Variants in NKAIN3 observed in about 807,000 individuals in gnomAD.
NKAIN3 encodes sodium/potassium transporting ATPase interacting 3, also known as sodium/potassium-transporting ATPase subunit beta-1-interacting protein 3.
NKAIN3 carries 25 observed loss-of-function variants against 30.2 expected under a neutral mutation model. The observed-to-expected ratio is 0.83, with a 90% CI of 0.60 to 1.16. NKAIN3 has a LOEUF of 1.16. NKAIN3 is among the 50% of genes most tolerant of loss of function. NKAIN3 has a pLI of 0.00. For synonymous variants in NKAIN3, 91 were observed against 89.6 expected (o/e 1.02, Z -0.09); for missense variants, 225 against 254.1 (o/e 0.89, Z 0.78).
chr8:62,726,729 A>G (rs1815270687), intron 3 of NKAIN3, among the ~76,000 whole-genome samples: 1 of 152,054 alleles, frequency 6.6e-6, no homozygotes, highest in Non-Finnish European at 1.5e-5. Context: ...ATAAACAGAC[A>G]GCATCAGGCC....
chr8:62,928,528 G>C (rs1426402669), intron 5 of NKAIN3, among the ~76,000 whole-genome samples: 2 of 152,132 alleles, frequency 1.3e-5, no homozygotes, highest in African/African-American at 4.8e-5. Flanking sequence ...AGACTGGCTG[G>C]CTCTTCACTA....
chr8:62,803,461 C>A (rs1324246896), intron 4 of NKAIN3, among the ~76,000 whole-genome samples: 1 of 152,126 alleles, frequency 6.6e-6, no homozygotes, highest in East Asian at 1.9e-4. Context: ...TTCAGAAACT[C>A]ACTCAAAACC....
At chr8:62,955,534 T>A (rs559349402) in intron 6 of NKAIN3, among the ~76,000 whole-genome samples, 19 of 151,164 alleles carry the variant, frequency 1.3e-4, no homozygotes, top group Admixed American at 3.9e-4. Flanking sequence ...ATCTCCACTG[T>A]GAAAAAAAAA....
chr8:62,727,594 G>T (rs965543492), intron 3 of NKAIN3, among the ~76,000 whole-genome samples: 1 of 152,088 alleles, frequency 6.6e-6, no homozygotes, highest in African/African-American at 2.4e-5. Flanking sequence ...AATACCATTT[G>T]CAGTAGCACC....
intron 4 of NKAIN3, among the ~76,000 whole-genome samples, chr8:62,752,617 C>T (rs1421686982): frequency 6.6e-6 from 1 of 152,156 alleles, no homozygotes; most frequent in African/African-American, 2.4e-5. Context: ...AGAATTATTA[C>T]AGTGGAACAA....
rs1176381685 is a variant in NKAIN3 at position 62,965,950 on chromosome 8, GTCC to G, written c.*548_*550del. On this transcript the variant is annotated 3_prime_UTR_variant, in exon 7 of 7. Transcript: ENST00000623646. ...TCAACAGCATAAAACAAAACATGGAGTCCTCCTTTGTTCCTGACTTCTTAAAAC... is the reference window on the plus strand; with the variant it reads ...TCAACAGCATAAAACAAAACATGGAGTCCTTTGTTCCTGACTTCTTAAAAC... The G allele has an allele frequency of 2.0e-6, 2 of 984,530 alleles. No individual in the cohort carries two copies. Among genetic ancestry groups the G allele is most frequent in the Non-Finnish European group, 2.4e-6 (2 of 829,258 alleles). The allele number at this position is 984,530 out of a possible 1,614,324, so 61.0% of individuals were successfully genotyped here.
At position 62,256,926 on chromosome 8, in the gene NKAIN3, G is replaced by A. The variant is rs185817693; in HGVS notation, c.54+7799G>A. ...GACCATATTTGTGAGGCTGACGAAT[G>A]TTCCTGTTTCTCTACTTTACAAACC... On this transcript the variant is annotated intron_variant, in intron 1 of 6. Transcript: ENST00000623646. Among the ~76,000 whole-genome samples, 276 of 152,226 alleles carry A rather than the reference G, an allele frequency of 1.8e-3. 1 individual carries two copies. The highest frequency in any genetic ancestry group is 6.4e-3 in the African/African-American group (265 of 41,544).
intron 3 of NKAIN3, among the ~76,000 whole-genome samples, chr8:62,642,565 CACAAAGCAA>C (rs1812342794): frequency 1.3e-5 from 2 of 152,196 alleles, no homozygotes. Flanking sequence ...CAATATAATG[CACAAAGCAA>C]ACAAAGCAAA....
intron 1 of NKAIN3, among the ~76,000 whole-genome samples, chr8:62,402,876 G>A (rs1803927848): frequency 6.6e-6 from 1 of 152,168 alleles, no homozygotes; most frequent in South Asian, 2.1e-4. Context: ...GGCAGAGGTT[G>A]GAACAGTTTG....
rs530396975 is a variant in NKAIN3 at position 62,969,405 on chromosome 8, C to A, written c.*3998C>A. 2.6e-5 allele frequency among the ~76,000 whole-genome samples: 4 copies of A among 152,320 alleles called. No individual in the cohort carries two copies. In the South Asian group the frequency reaches 8.3e-4, roughly 32 times the overall value. On this transcript the variant is annotated 3_prime_UTR_variant, in exon 7 of 7. Coordinates refer to ENST00000623646, the MANE Select transcript of NKAIN3 (RefSeq NM_001304533.3). Reference sequence around the variant, plus strand: ...ATTTGAGAAGCAAAAACCAAAATTTCTCTTTTCAATCTTTGCAAATTAAAA... The same window carrying A: ...ATTTGAGAAGCAAAAACCAAAATTTATCTTTTCAATCTTTGCAAATTAAAA...
intron 4 of NKAIN3, among the ~76,000 whole-genome samples, chr8:62,781,502 C>T (rs1817353504): frequency 6.6e-6 from 1 of 151,726 alleles, no homozygotes; most frequent in African/African-American, 2.4e-5. Flanking sequence ...AAGCTGGTGG[C>T]ATCACATTAT....
chr8:62,956,952 T>G (rs1823435944), intron 6 of NKAIN3, among the ~76,000 whole-genome samples: 3 of 152,218 alleles, frequency 2.0e-5, no homozygotes, highest in African/African-American at 7.2e-5. Context: ...TGAGCTACTT[T>G]GAAAAGATGA....
chr8:62,790,937 A>G, intron 4 of NKAIN3, among the ~76,000 whole-genome samples: 1 of 152,130 alleles, frequency 6.6e-6, no homozygotes, highest in South Asian at 2.1e-4. Flanking sequence ...TCGGCCGATG[A>G]CCATCCCCAT....
At chr8:62,764,596 C>T (rs1816775616) in intron 4 of NKAIN3, among the ~76,000 whole-genome samples, 1 of 152,124 alleles carries the variant, frequency 6.6e-6, no homozygotes, top group Non-Finnish European at 1.5e-5. Context: ...TCCTAAATAG[C>T]TAGAACTACA....
At position 62,522,003 on chromosome 8, in the gene NKAIN3, T is replaced by C. The variant is rs562648094; in HGVS notation, c.55-57536T>C. Reference sequence around the variant, plus strand: ...TTTCTGGACCAGACAGTGGTGGCAATGTCAGCTAAATTGCCTGGCTACCCC... The same window carrying C: ...TTTCTGGACCAGACAGTGGTGGCAACGTCAGCTAAATTGCCTGGCTACCCC... On this transcript the variant is annotated intron_variant, in intron 1 of 6. Transcript: ENST00000623646. Among the ~76,000 whole-genome samples, 28 of 152,224 alleles carry C rather than the reference T, an allele frequency of 1.8e-4. No individual in the cohort carries two copies. The South Asian group carries it at 5.8e-3, about 32-fold the overall frequency.
intron 3 of NKAIN3, among the ~76,000 whole-genome samples, chr8:62,728,871 T>C (rs1815351599): frequency 6.7e-6 from 1 of 149,334 alleles, no homozygotes; most frequent in African/African-American, 2.5e-5. Context: ...GCGCCTATAG[T>C]CCCAGCTACT....
intron 3 of NKAIN3, among the ~76,000 whole-genome samples, chr8:62,600,628 T>G (rs1281637917): frequency 6.6e-6 from 1 of 152,114 alleles, no homozygotes; most frequent in Non-Finnish European, 1.5e-5. Flanking sequence ...AAAACCCACC[T>G]GCATTTGTTT....
At chr8:62,940,433 C>A (rs1822920454) in intron 5 of NKAIN3, among the ~76,000 whole-genome samples, 1 of 152,042 alleles carries the variant, frequency 6.6e-6, no homozygotes, top group Admixed American at 6.6e-5. Context: ...CAGATATTTA[C>A]TAAACATTCT....
chr8:62,614,940 G>A (rs765653951), intron 3 of NKAIN3, among the ~76,000 whole-genome samples: 25 of 152,146 alleles, frequency 1.6e-4, no homozygotes, highest in Non-Finnish European at 3.1e-4. Flanking sequence ...ATGCTATTTA[G>A]GAGTCAATTC....
Sources: allele counts gnomAD v4.1 joint callset (sites outside exome capture counted in the v4.1 genomes callset), GRCh38; gene constraint gnomAD v4.1.1; transcripts MANE v1.5; gene names NCBI Gene and HGNC (gene_info 2026-07-23, HGNC 2026-07-21).